Variants in PFKFB1 observed in about 807,000 individuals in gnomAD.
PFKFB1 encodes 6-phosphofructo-2-kinase/fructose-2,6-biphosphatase 1, also known as 6-phosphofructo-2-kinase/fructose-2,6-bisphosphatase 1.
In PFKFB1, 34 loss-of-function variants were observed where a neutral mutation model predicts 46.4. The observed-to-expected ratio is 0.73, with a 90% confidence interval of 0.56 to 0.98. The LOEUF (loss-of-function observed/expected upper bound fraction) is 0.98. Ranked by LOEUF, PFKFB1 falls within the 50% of genes least tolerant of loss-of-function variation. The pLI is 0.00. For missense variants in PFKFB1, 393 were observed against 376.3 expected, an observed-to-expected ratio of 1.04 and a Z score of -0.37; for synonymous variants, 119 against 133.8, an observed-to-expected ratio of 0.89 and a Z score of 0.76.
chrX:54,937,025 T>C (rs768826974), intron 11 of PFKFB1, among the ~76,000 whole-genome samples: 3 of 110,728 alleles, frequency 2.7e-5, no homozygotes, highest in African/African-American at 9.9e-5. Flanking sequence ...ATGCAGTCAG[T>C]GTGTAAATAC....
At chrX:54,955,091 T>G (rs1480168144) in intron 7 of PFKFB1, among the ~76,000 whole-genome samples, 1 of 112,200 alleles carries the variant, frequency 8.9e-6, no homozygotes, top group Non-Finnish European at 1.9e-5. Context: ...AGCACACATC[T>G]TGGTGAGAGA....
rs1012091073 is a variant in PFKFB1 at position 54,948,990 on chromosome X, T to C, written c.993+85A>G. On this transcript the variant is annotated intron_variant, in intron 9 of 13. Coordinates refer to ENST00000375006, the MANE Select transcript of PFKFB1 (RefSeq NM_002625.4). The stretch of plus-strand genomic sequence containing the variant: ...TTTGTTGAATTAATTAGGCTCCCCA[T>C]AGGGGCTGGAGCAGAGGCAACCCAG... 1.5e-5 allele frequency: 16 copies of C among 1,054,377 alleles called. No individual in the cohort carries two copies. In the Admixed American group the frequency reaches 2.4e-4, roughly 16 times the overall value. The allele number at this position is 1,054,377 out of a possible 1,213,427, so 86.9% of individuals were successfully genotyped here.
At position 54,982,138 on chromosome X, in the gene PFKFB1, T is replaced by C. The variant is rs767651721; in HGVS notation, c.97+11773A>G. ...AAATAATTTAGTTCAACATAAAATC[T>C]CCAGAAATAGAAATCTCCAGACCCA... On this transcript the variant is annotated intron_variant, in intron 1 of 13. Coordinates refer to ENST00000375006, the MANE Select transcript of PFKFB1 (RefSeq NM_002625.4). Among the ~76,000 whole-genome samples, 10 of 111,808 alleles carry C rather than the reference T, an allele frequency of 8.9e-5. No homozygotes were observed. In the South Asian group the frequency reaches 3.3e-3, roughly 37 times the overall value.
At chrX:54,961,376 C>T (rs1218061167) in intron 2 of PFKFB1, among the ~76,000 whole-genome samples, 2 of 111,156 alleles carry the variant, frequency 1.8e-5, no homozygotes, top group African/African-American at 6.5e-5. Flanking sequence ...TAGACTGGAC[C>T]TCCTGACTTC....
intron 8 of PFKFB1, among the ~76,000 whole-genome samples, chrX:54,949,891 CTG>C (rs760797867): frequency 1.1e-4 from 12 of 112,578 alleles, no homozygotes; most frequent in Non-Finnish European, 1.1e-4. Context: ...CTTTTTGACA[CTG>C]TGAACACTTA....
At chrX:54,958,441 A>G (rs1273726413) in intron 5 of PFKFB1, 79 bp from the exon 6 acceptor site, 35 of 611,446 alleles carry the variant, frequency 5.7e-5, no homozygotes, top group Non-Finnish European at 9.3e-5. Flanking sequence ...CTCCTTTTCA[A>G]TGGCTCTAAG....
At chrX:54,993,244 A>C (rs1404316732) in intron 1 of PFKFB1, among the ~76,000 whole-genome samples, 1 of 112,310 alleles carries the variant, frequency 8.9e-6, no homozygotes, top group Non-Finnish European at 1.9e-5. Context: ...ATCTTTCTTA[A>C]ATTTCCAAAG....
intron 9 of PFKFB1, among the ~76,000 whole-genome samples, chrX:54,948,717 CCTCTAG>C (rs1227256514): frequency 8.9e-6 from 1 of 111,737 alleles, no homozygotes; most frequent in Non-Finnish European, 1.9e-5. Flanking sequence ...TCTTATATCA[CCTCTAG>C]CTTCCTCCAG....
intron 7 of PFKFB1, among the ~76,000 whole-genome samples, chrX:54,952,548 T>TC (rs1220151675): frequency 9.4e-6 from 1 of 106,523 alleles, no homozygotes; most frequent in Non-Finnish European, 1.9e-5. Context: ...TCTTCACTCC[T>TC]CTTTTTTTTT....
chrX:54,988,848 T>C (rs775622838), intron 1 of PFKFB1, among the ~76,000 whole-genome samples: 5 of 111,907 alleles, frequency 4.5e-5, no homozygotes, highest in African/African-American at 9.7e-5. Context: ...TCAGAATAAA[T>C]TGAAAAACCT....
chrX:54,951,985 G>C lies in PFKFB1; in HGVS notation c.766C>G (p.Leu256Val). The C allele has an allele frequency of 8.3e-7, 1 of 1,211,105 alleles. No individual in the cohort carries two copies. The highest frequency in any genetic ancestry group is 1.1e-6 in the Non-Finnish European group (1 of 894,963). The change falls in exon 8 of 14, where the codon CTT (leucine) becomes GTT (valine). Residue 256 changes from leucine (L) to valine (V), a missense_variant. Transcript: ENST00000375006. Reference protein sequence around the residue: ...NIHVTPRSIYLCRHGESELNI... With the variant: ...NIHVTPRSIYVCRHGESELNI... ...AGTTCACTCTCGCCATGTCGGCAAA[G>C]GTAGATGGAGCGAGGTGTGACATGG... is the stretch of plus-strand genomic sequence containing the variant.
At chrX:54,956,300 C>T (rs1329820264) in intron 6 of PFKFB1, 26 bp from the exon 7 acceptor site, 3 of 1,206,944 alleles carry the variant, frequency 2.5e-6, no homozygotes, top group Non-Finnish European at 3.4e-6. Context: ...ACAGAGGTAT[C>T]AAGGGAGACA....
Position 54,942,939 on chromosome X carries a change from T to C in PFKFB1, c.1098+2500A>G, listed in dbSNP as rs190594819. Among the ~76,000 whole-genome samples, 29 of 111,215 alleles carry C rather than the reference T, an allele frequency of 2.6e-4. No individual in the cohort carries two copies. The East Asian group carries it at 4.8e-3, about 18-fold the overall frequency. ...TAGAAGATAAAGCTGAAGAAATTAC[T>C]CAGGATGCAGCAAAAGATACAAAGA... On this transcript the variant is annotated intron_variant, in intron 10 of 13. Transcript: ENST00000375006.
intron 10 of PFKFB1, among the ~76,000 whole-genome samples, chrX:54,942,512 C>T (rs1933674922): frequency 3.6e-5 from 4 of 111,205 alleles, no homozygotes; most frequent in South Asian, 3.8e-4. Flanking sequence ...AAAAGTGATC[C>T]CAAGTCGTTA....
At chrX:54,998,051 C>A (rs1245455439), upstream of PFKFB1, among the ~76,000 whole-genome samples, 3 of 111,851 alleles carry the variant, frequency 2.7e-5, no homozygotes, top group African/African-American at 6.5e-5. Context: ...AGCAAGAGAG[C>A]TTGTTCAAAG....
At chrX:54,997,481 C>T (rs1332809333), upstream of PFKFB1, among the ~76,000 whole-genome samples, 1 of 111,736 alleles carries the variant, frequency 8.9e-6, no homozygotes, top group East Asian at 2.8e-4. Context: ...ACCCCATACC[C>T]CTCCCAAAGT....
At chrX:54,933,974 C>T (rs1225241011) in intron 12 of PFKFB1, 89 bp from the exon 13 acceptor site, 6 of 660,378 alleles carry the variant, frequency 9.1e-6, no homozygotes, top group African/African-American at 6.4e-5. Flanking sequence ...CCATCACCAG[C>T]CACACCCCCA....
chrX:54,969,779 C>T (rs960863078), intron 1 of PFKFB1, among the ~76,000 whole-genome samples: 5 of 111,821 alleles, frequency 4.5e-5, no homozygotes, highest in African/African-American at 1.6e-4. Flanking sequence ...AGTATTGTAA[C>T]TCCCAGTCAA....
chrX:54,980,907 ATG>A (rs1183995840), intron 1 of PFKFB1, among the ~76,000 whole-genome samples: 7 of 111,701 alleles, frequency 6.3e-5, no homozygotes, highest in African/African-American at 2.3e-4. Context: ...TGTCAACGAA[ATG>A]TGAGACTATC....
Sources: gnomAD v4.1 joint callset for allele counts (sites outside exome capture counted in the v4.1 genomes callset) on GRCh38, gnomAD v4.1.1 for gene constraint, MANE v1.5 for transcripts, NCBI Gene and HGNC (gene_info 2026-07-23, HGNC 2026-07-21) for gene names.